Variants in PPP2R2B observed in about 807,000 individuals in gnomAD.
PPP2R2B encodes the protein protein phosphatase 2 regulatory subunit Bbeta, also known as serine/threonine-protein phosphatase 2A 55 kDa regulatory subunit B beta isoform.
A neutral mutation model predicts 46.0 loss-of-function variants in PPP2R2B; 5 were observed. The observed-to-expected ratio is 0.11, with a 90% CI of 0.06 to 0.23. The LOEUF (loss-of-function observed/expected upper bound fraction) is 0.23, where lower values mean the gene tolerates loss of function less well. PPP2R2B is among the 10% of genes least tolerant of loss of function. The pLI, the probability that PPP2R2B is intolerant of heterozygous loss-of-function variation, is 1.00. For missense variants in PPP2R2B, 367 were observed against 575.0 expected (o/e 0.64, Z 3.70); for synonymous variants, 215 against 206.7 (o/e 1.04, Z -0.34).
intron 2 of PPP2R2B, among the ~76,000 whole-genome samples, chr5:146,764,173 C>T (rs1036884437): frequency 1.6e-4 from 24 of 152,030 alleles, no homozygotes; most frequent in East Asian, 5.8e-4. Flanking sequence ...AGCCCCATGA[C>T]GGAAAGTGGA....
chr5:146,979,576 C>A (rs768973301), intron 1 of PPP2R2B, among the ~76,000 whole-genome samples: 5 of 151,722 alleles, frequency 3.3e-5, no homozygotes, highest in Non-Finnish European at 5.9e-5. Context: ...CACACACACA[C>A]ACACACACAC....
intron 1 of PPP2R2B, among the ~76,000 whole-genome samples, chr5:146,886,716 A>C (rs956559815): frequency 6.6e-6 from 1 of 152,148 alleles, no homozygotes; most frequent in African/African-American, 2.4e-5. Flanking sequence ...AATATATCAA[A>C]ATATTAGCAA....
intron 2 of PPP2R2B, among the ~76,000 whole-genome samples, chr5:146,821,248 C>A (rs1291766712): frequency 6.6e-6 from 1 of 152,184 alleles, no homozygotes; most frequent in African/African-American, 2.4e-5. Flanking sequence ...AATACATCAA[C>A]CCACCTGCCA....
At chr5:146,877,387 G>T (rs961695258) in intron 2 of PPP2R2B, among the ~76,000 whole-genome samples, 6 of 152,150 alleles carry the variant, frequency 3.9e-5, no homozygotes, top group Non-Finnish European at 7.3e-5. Context: ...CACCGATCGC[G>T]TTGCTCACCC....
chr5:146,724,034 C>T (rs1200594980), intron 2 of PPP2R2B, among the ~76,000 whole-genome samples: 1 of 152,122 alleles, frequency 6.6e-6, no homozygotes, highest in Admixed American at 6.5e-5. Flanking sequence ...TAGGACAGTG[C>T]CTGGTACAAT....
At chr5:146,836,928 C>G (rs1349820804) in intron 2 of PPP2R2B, among the ~76,000 whole-genome samples, 1 of 152,164 alleles carries the variant, frequency 6.6e-6, no homozygotes, top group East Asian at 1.9e-4. Context: ...CAGCTCCTGT[C>G]CATCCATTCA....
intron 1 of PPP2R2B, chr5:146,922,298 G>A (rs1763634212): frequency 6.6e-6 from 1 of 152,116 alleles, no homozygotes; most frequent in Non-Finnish European, 1.5e-5. Context: ...TGTTAGTACT[G>A]TGTATCAAAA....
intron 2 of PPP2R2B, among the ~76,000 whole-genome samples, chr5:146,750,966 A>G (rs1753519955): frequency 6.6e-6 from 1 of 152,132 alleles, no homozygotes; most frequent in Non-Finnish European, 1.5e-5. Context: ...ACAAAGCAGC[A>G]CTGTTCTGCT....
At chr5:146,811,613 T>G (rs1008838684) in intron 2 of PPP2R2B, among the ~76,000 whole-genome samples, 1 of 141,020 alleles carries the variant, frequency 7.1e-6, no homozygotes, top group African/African-American at 2.7e-5. Flanking sequence ...CAGGCTGGAG[T>G]GCAGTGGCGC....
intron 1 of PPP2R2B, among the ~76,000 whole-genome samples, chr5:146,897,311 C>T (rs1332308215): frequency 2.0e-5 from 3 of 152,180 alleles, no homozygotes; most frequent in South Asian, 2.1e-4. Flanking sequence ...ACCTGCCCCC[C>T]GTTCCCACTG....
intron 3 of PPP2R2B, among the ~76,000 whole-genome samples, chr5:146,700,183 C>G (rs1293817846): frequency 1.3e-5 from 2 of 152,092 alleles, no homozygotes; most frequent in South Asian, 2.1e-4. Context: ...TCTTGTGAAA[C>G]CTTCCTCTCA....
At chr5:146,776,121 T>C (rs1170267547) in intron 2 of PPP2R2B, among the ~76,000 whole-genome samples, 8 of 152,132 alleles carry the variant, frequency 5.3e-5, no homozygotes, top group Non-Finnish European at 7.4e-5. Flanking sequence ...TAATGGTGTT[T>C]CTTGAAGAAA....
intron 9 of PPP2R2B, among the ~76,000 whole-genome samples, chr5:146,591,487 T>C (rs890356574): frequency 3.3e-5 from 5 of 151,716 alleles, no homozygotes; most frequent in African/African-American, 1.2e-4. Flanking sequence ...CCTAAAAGGG[T>C]TTTACAGAGA....
intron 1 of PPP2R2B, among the ~76,000 whole-genome samples, chr5:146,969,193 G>A (rs1752560179): frequency 6.6e-6 from 1 of 152,174 alleles, no homozygotes; most frequent in Non-Finnish European, 1.5e-5. Context: ...TGGGCTTGGG[G>A]AAAGCTTTCT....
At chr5:147,077,308 A>ACC (rs754334251) in intron 2 of PPP2R2B, among the ~76,000 whole-genome samples, 19 of 128,874 alleles carry the variant, frequency 1.5e-4, no homozygotes, top group African/African-American at 6.0e-4. Flanking sequence ...ACACACACAC[A>ACC]CACCCACACC....
intron 1 of PPP2R2B, among the ~76,000 whole-genome samples, chr5:146,887,313 G>C (rs1381256121): frequency 1.3e-5 from 2 of 152,064 alleles, no homozygotes; most frequent in African/African-American, 4.8e-5. Flanking sequence ...AGGTACAATG[G>C]AACTGTTTCA....
At chr5:146,970,487 T>C (rs749590045) in intron 1 of PPP2R2B, among the ~76,000 whole-genome samples, 1 of 151,946 alleles carries the variant, frequency 6.6e-6, no homozygotes, top group Non-Finnish European at 1.5e-5. Flanking sequence ...TCCCAGCTAC[T>C]TGGGAGACTG....
chr5:146,738,569 C>T (rs1455391626), intron 2 of PPP2R2B, among the ~76,000 whole-genome samples: 1 of 152,064 alleles, frequency 6.6e-6, no homozygotes, highest in East Asian at 1.9e-4. Flanking sequence ...AGAAATACAT[C>T]TTTACTCCCC....
chr5:147,045,077 G>A (rs1756486539), intron 1 of PPP2R2B, among the ~76,000 whole-genome samples: 1 of 152,134 alleles, frequency 6.6e-6, no homozygotes, highest in South Asian at 2.1e-4. Flanking sequence ...TGTTTATAAA[G>A]CAGTTCTATT....
Sources: gnomAD v4.1 joint callset for allele counts (sites outside exome capture counted in the v4.1 genomes callset) on GRCh38, gnomAD v4.1.1 for gene constraint, MANE v1.5 for transcripts, NCBI Gene and HGNC (gene_info 2026-07-23, HGNC 2026-07-21) for gene names.